The following ERBB4 variants were observed in gnomAD, a reference collection of about 807,000 sequenced individuals.
ERBB4 encodes receptor tyrosine-protein kinase erbB-4.
Under a neutral mutation model 158.0 loss-of-function variants are expected in ERBB4, and 42 were observed. That is an observed-to-expected ratio of 0.27 (90% confidence interval 0.21 to 0.34). The LOEUF is 0.34. Among genes scored for constraint, ERBB4 ranks in the 10% least tolerant of loss-of-function variants. ERBB4 has a pLI of 1.00. For synonymous variants in ERBB4, 583 were observed against 558.7 expected (o/e 1.04, Z -0.61); for missense variants, 1,333 against 1,624.1 (o/e 0.82, Z 3.08).
intron 3 of ERBB4, among the ~76,000 whole-genome samples, chr2:211,865,139 CA>C (rs976754754): frequency 1.3e-5 from 2 of 151,676 alleles, no homozygotes; most frequent in Non-Finnish European, 2.9e-5. Flanking sequence ...CTAGATCTTC[CA>C]ATATTTTCAC....
chr2:211,716,697 CAACAAAACAA>C (rs1230963191), intron 7 of ERBB4, among the ~76,000 whole-genome samples: 4 of 126,042 alleles, frequency 3.2e-5, no homozygotes, highest in Admixed American at 8.3e-5. Flanking sequence ...ACAACAACAA[CAACAAAACAA>C]AACAAAAAAA....
intron 20 of ERBB4, among the ~76,000 whole-genome samples, chr2:211,449,187 T>A (rs1218293780): frequency 4.6e-5 from 7 of 152,154 alleles, no homozygotes; most frequent in Non-Finnish European, 7.4e-5. Context: ...AGATAAAATT[T>A]ACTTAAAGAT....
At chr2:211,967,425 A>C (rs1156537698) in intron 2 of ERBB4, among the ~76,000 whole-genome samples, 1 of 152,088 alleles carries the variant, frequency 6.6e-6, no homozygotes, top group East Asian at 1.9e-4. Context: ...TATTTCAGCA[A>C]ATTATGATGC....
intron 1 of ERBB4, among the ~76,000 whole-genome samples, chr2:212,259,716 G>A (rs767171674): frequency 1.6e-4 from 25 of 152,012 alleles, no homozygotes; most frequent in Non-Finnish European, 2.2e-4. Flanking sequence ...CCTCTATTTT[G>A]AGTATTTATT....
At chr2:211,527,316 C>A (rs761635937) in intron 20 of ERBB4, among the ~76,000 whole-genome samples, 1 of 151,802 alleles carries the variant, frequency 6.6e-6, no homozygotes, top group East Asian at 1.9e-4. Context: ...GGAAAAAAAC[C>A]CCAACTTTTA....
intron 1 of ERBB4, among the ~76,000 whole-genome samples, chr2:212,155,688 G>A (rs955065633): frequency 1.3e-5 from 2 of 152,052 alleles, no homozygotes; most frequent in African/African-American, 4.8e-5. Flanking sequence ...ACTGAACTCT[G>A]ATTGAAATTT....
intron 2 of ERBB4, among the ~76,000 whole-genome samples, chr2:212,080,425 A>G (rs1288151564): frequency 6.6e-6 from 1 of 151,806 alleles, no homozygotes; most frequent in Non-Finnish European, 1.5e-5. Context: ...GGGAGAATTA[A>G]TAAATCTTTA....
rs137997107 is a variant in ERBB4, at chr2:212,014,096, CTT to C, written c.235-66482_235-66481del. On this transcript the variant is annotated intron_variant, in intron 2 of 27. Coordinates refer to ENST00000342788, the MANE Select transcript of ERBB4 (RefSeq NM_005235.3). ...TTGGAAATACTGGAGAAAAACCTCT[CTT>C]GACTCAAACTCAGCGTTGTCACTGT... Among the ~76,000 whole-genome samples, 544 of 152,340 alleles carry C rather than the reference CTT, an allele frequency of 3.6e-3. 2 individuals carry two copies. Among genetic ancestry groups the C allele is most frequent in the African/African-American group, 0.012 (518 of 41,586 alleles).
chr2:212,138,466 T>C (rs1229055837), intron 1 of ERBB4, among the ~76,000 whole-genome samples: 1 of 152,160 alleles, frequency 6.6e-6, no homozygotes, highest in Non-Finnish European at 1.5e-5. Flanking sequence ...TGGCATTCTG[T>C]AGCCTTCTTG....
intron 1 of ERBB4, among the ~76,000 whole-genome samples, chr2:212,310,609 ATG>A (rs56209146): frequency 0.068 from 9,779 of 143,326 alleles, 391 homozygotes; most frequent in African/African-American, 0.11. Context: ...ATATATGTAT[ATG>A]TGTGTGTGTG....
At chr2:212,075,320 G>T (rs2078243311) in intron 2 of ERBB4, among the ~76,000 whole-genome samples, 2 of 151,630 alleles carry the variant, frequency 1.3e-5, no homozygotes, top group African/African-American at 4.8e-5. Context: ...TAATTGTCTT[G>T]GGACATTGGA....
chr2:212,143,578 G>A lies in ERBB4; in HGVS notation c.83-18675C>T, dbSNP rs553949367. ...TAGATAGCCTTACCTTGGTATGGCTGTGACTCACATAGAAGGAATACTAGA... is the reference window on the plus strand; with the variant it reads ...TAGATAGCCTTACCTTGGTATGGCTATGACTCACATAGAAGGAATACTAGA... On this transcript the variant is annotated intron_variant, in intron 1 of 27. Coordinates refer to ENST00000342788, the MANE Select transcript of ERBB4 (RefSeq NM_005235.3). 2.5e-3 allele frequency among the ~76,000 whole-genome samples: 382 copies of A among 152,186 alleles called. 1 individual carries two copies. Among genetic ancestry groups the A allele is most frequent in the Non-Finnish European group, 4.0e-3 (269 of 68,010 alleles).
intron 1 of ERBB4, among the ~76,000 whole-genome samples, chr2:212,161,313 C>T (rs1234287725): frequency 6.6e-6 from 1 of 151,858 alleles, no homozygotes; most frequent in South Asian, 2.1e-4. Flanking sequence ...TGTCCCCATA[C>T]TAACATAATT....
At chr2:211,717,918 T>C (rs1415365606) in intron 7 of ERBB4, among the ~76,000 whole-genome samples, 5 of 152,152 alleles carry the variant, frequency 3.3e-5, no homozygotes, top group African/African-American at 4.8e-5. Context: ...AAGATATATA[T>C]ATTTTTTGAG....
At position 211,677,052 on chromosome 2, in the gene ERBB4, T is replaced by C. The variant is rs113118753; in HGVS notation, c.1622+2000A>G. Among the ~76,000 whole-genome samples, 987 of 152,320 alleles carry C rather than the reference T, an allele frequency of 6.5e-3. 11 individuals are homozygous for C. The highest frequency in any genetic ancestry group is 0.022 in the African/African-American group (921 of 41,572). On this transcript the variant is annotated intron_variant, in intron 13 of 27. Coordinates refer to ENST00000342788, the MANE Select transcript of ERBB4 (RefSeq NM_005235.3). ...TCTTATTTAAAATTTTTTATACTTATGCTTCTAATATTAATATTTTCCCTT... is the reference window on the plus strand; with the variant it reads ...TCTTATTTAAAATTTTTTATACTTACGCTTCTAATATTAATATTTTCCCTT...
At chr2:212,532,998 G>A (rs1357152394) in intron 1 of ERBB4, among the ~76,000 whole-genome samples, 1 of 152,164 alleles carries the variant, frequency 6.6e-6, no homozygotes, top group Non-Finnish European at 1.5e-5. Context: ...TGAAAACAAG[G>A]AAGTGGCCTT....
At chr2:211,896,850 A>G (rs115146761) in intron 3 of ERBB4, among the ~76,000 whole-genome samples, 1,626 of 152,144 alleles carry the variant, frequency 0.011, 13 homozygotes, top group Non-Finnish European at 0.018. Context: ...ACATGCCACT[A>G]GTATTTGTTA....
chr2:211,861,124 TTATATATATA>T lies in ERBB4; in HGVS notation c.422-72975_422-72966del, dbSNP rs143515103. Among the ~76,000 whole-genome samples, 19 of 20,260 alleles carry T rather than the reference TTATATATATA, an allele frequency of 9.4e-4. 1 individual carries two copies. Among genetic ancestry groups the T allele is most frequent in the African/African-American group, 2.7e-3 (12 of 4,396 alleles). 13.3% of individuals were successfully genotyped at this position (20,260 alleles called of 152,430 possible). On this transcript the variant is annotated intron_variant, in intron 3 of 27. Coordinates refer to ENST00000342788, the MANE Select transcript of ERBB4 (RefSeq NM_005235.3). Reference sequence around the variant, plus strand: ...CATTATATATATTTATATATATATTTTATATATATATATATATATATATATATATATTAAA... The same window carrying T: ...CATTATATATATTTATATATATATTTTATATATATATATATATATATTAAA...
chr2:211,542,951 A>G (rs913628588), intron 20 of ERBB4, among the ~76,000 whole-genome samples: 3 of 152,006 alleles, frequency 2.0e-5, no homozygotes, highest in African/African-American at 7.2e-5. Context: ...TTTTTCTGTG[A>G]AACAACTCTT....
Sources: allele counts gnomAD v4.1 joint callset (sites outside exome capture counted in the v4.1 genomes callset), GRCh38; gene constraint gnomAD v4.1.1; transcripts MANE v1.5; gene names NCBI Gene and HGNC (gene_info 2026-07-23, HGNC 2026-07-21).